NRG3: variants seen among roughly 807,000 people sequenced by gnomAD.
The protein encoded by NRG3 is neuregulin 3.
In NRG3, 31 loss-of-function variants were observed where a neutral mutation model predicts 66.9. The ratio of observed to expected loss-of-function variants is 0.46; its 90% CI spans 0.35 to 0.63. The LOEUF is 0.63. NRG3 is among the 20% of genes least tolerant of loss of function. The pLI, the probability that NRG3 is intolerant of heterozygous loss-of-function variation, is 0.00. For missense variants in NRG3, 910 were observed against 878.9 expected, an observed-to-expected ratio of 1.04 and a Z score of -0.45; for synonymous variants, 393 against 359.4, an observed-to-expected ratio of 1.09 and a Z score of -1.06.
At chr10:82,050,071 G>T (rs1318619684) in intron 1 of NRG3, among the ~76,000 whole-genome samples, 3 of 151,974 alleles carry the variant, frequency 2.0e-5, no homozygotes, top group South Asian at 2.1e-4. Context: ...CTTCAGTTCT[G>T]AACAGATATG....
intron 2 of NRG3, among the ~76,000 whole-genome samples, chr10:82,582,841 A>G (rs560342639): frequency 6.6e-6 from 1 of 152,286 alleles, no homozygotes; most frequent in East Asian, 1.9e-4. Flanking sequence ...ATTTAATCCA[A>G]AGTGGAAAGA....
chr10:82,985,134 A>G lies in NRG3; in HGVS notation c.1620A>G (p.Thr540=). The G allele has an allele frequency of 1.2e-6, 2 of 1,614,010 alleles. No individual in the cohort carries two copies. The highest frequency in any genetic ancestry group is 1.1e-5 in the South Asian group (1 of 91,060). Residue 540 remains threonine, a synonymous_variant, in exon 9 of 9, where the codon ACA becomes ACG. Transcript: ENST00000372141. ...GTGGTTTAAAAACCCAACGAAATACATCAATAAATATGCAACTGCCTTCAA... is the reference window on the plus strand; with the variant it reads ...GTGGTTTAAAAACCCAACGAAATACGTCAATAAATATGCAACTGCCTTCAA... ...SSSGLKTQRN[T]SINMQLPSRE...
intron 1 of NRG3, among the ~76,000 whole-genome samples, chr10:82,057,806 T>G (rs2063923140): frequency 6.6e-6 from 1 of 152,164 alleles, no homozygotes. Flanking sequence ...TATCAGGGAT[T>G]CAAGATACTC....
At chr10:82,331,765 T>C (rs1184831373) in intron 1 of NRG3, among the ~76,000 whole-genome samples, 1 of 152,212 alleles carries the variant, frequency 6.6e-6, no homozygotes, top group African/African-American at 2.4e-5. Flanking sequence ...TGGTTTTACA[T>C]CAAGGGGAAG....
chr10:81,927,397 C>A (rs181043760), intron 1 of NRG3, among the ~76,000 whole-genome samples: 2 of 152,084 alleles, frequency 1.3e-5, no homozygotes, highest in Admixed American at 1.3e-4. Context: ...ATTACAACAC[C>A]TTTGCTAAAA....
At chr10:82,680,830 A>G (rs1338161983) in intron 2 of NRG3, among the ~76,000 whole-genome samples, 1 of 152,254 alleles carries the variant, frequency 6.6e-6, no homozygotes, top group Admixed American at 6.5e-5. Context: ...AATGATGCAG[A>G]TAATTATAAG....
At chr10:82,474,437 A>G (rs1162873648) in intron 2 of NRG3, among the ~76,000 whole-genome samples, 11 of 152,226 alleles carry the variant, frequency 7.2e-5, no homozygotes. Context: ...AAAAGAAGTA[A>G]ACAAATTATG....
chr10:82,800,908 A>G (rs968837601), intron 3 of NRG3, among the ~76,000 whole-genome samples: 1 of 152,182 alleles, frequency 6.6e-6, no homozygotes, highest in Non-Finnish European at 1.5e-5. Context: ...TGAGCTGGAA[A>G]GGCTGTTAAC....
intron 1 of NRG3, among the ~76,000 whole-genome samples, chr10:82,019,153 T>G (rs2132721873): frequency 1.3e-5 from 2 of 152,332 alleles, no homozygotes; most frequent in South Asian, 4.1e-4. Flanking sequence ...GAAGGGCTGT[T>G]GAATTTTGTC....
chr10:82,447,765 AAG>A (rs1485055456), intron 2 of NRG3, among the ~76,000 whole-genome samples: 1 of 152,246 alleles, frequency 6.6e-6, no homozygotes, highest in Non-Finnish European at 1.5e-5. Context: ...TGTATGTCGG[AAG>A]AGCTTGAGGC....
At chr10:82,638,831 G>C (rs767422345) in intron 2 of NRG3, among the ~76,000 whole-genome samples, 7 of 152,022 alleles carry the variant, frequency 4.6e-5, no homozygotes, top group Non-Finnish European at 1.0e-4. Flanking sequence ...ATTTTTAGTA[G>C]CGACAGGGTT....
At chr10:82,455,667 T>G (rs1348411054) in intron 2 of NRG3, among the ~76,000 whole-genome samples, 7 of 150,568 alleles carry the variant, frequency 4.6e-5, no homozygotes, top group Admixed American at 4.0e-4. Context: ...CAGGCTGGAG[T>G]GCAGTGGCGC....
At chr10:82,692,444 G>T (rs1196452446) in intron 2 of NRG3, among the ~76,000 whole-genome samples, 1 of 152,136 alleles carries the variant, frequency 6.6e-6, no homozygotes, top group East Asian at 1.9e-4. Flanking sequence ...GCTAATCTGG[G>T]TTCTTGTCTC....
intron 4 of NRG3, among the ~76,000 whole-genome samples, chr10:82,902,403 A>G (rs1220775806): frequency 1.3e-5 from 2 of 152,154 alleles, no homozygotes; most frequent in Non-Finnish European, 2.9e-5. Flanking sequence ...GGCATATTTA[A>G]CATTCTATAT....
intron 1 of NRG3, among the ~76,000 whole-genome samples, chr10:82,345,639 A>G (rs61864208): frequency 6.6e-5 from 10 of 151,432 alleles, no homozygotes; most frequent in African/African-American, 2.4e-4. Context: ...CATTGAATCT[A>G]TAAATTACCT....
chr10:82,627,871 A>G (rs920984225), intron 2 of NRG3, among the ~76,000 whole-genome samples: 1 of 152,220 alleles, frequency 6.6e-6, no homozygotes, highest in Non-Finnish European at 1.5e-5. Flanking sequence ...CATATGGCAA[A>G]ACAAGAACAC....
intron 1 of NRG3, among the ~76,000 whole-genome samples, chr10:82,130,740 G>C (rs2068763584): frequency 2.0e-5 from 3 of 152,064 alleles, no homozygotes; most frequent in Admixed American, 1.3e-4. Context: ...ATTTTGACTG[G>C]GGTGAGATGA....
intron 2 of NRG3, among the ~76,000 whole-genome samples, chr10:82,579,828 T>A (rs777559436): frequency 6.6e-6 from 1 of 151,910 alleles, no homozygotes; most frequent in South Asian, 2.1e-4. Flanking sequence ...AAAGTAATCA[T>A]TGGGAAAAAA....
chr10:82,650,579 G>A (rs1035509207), intron 2 of NRG3, among the ~76,000 whole-genome samples: 2 of 152,214 alleles, frequency 1.3e-5, no homozygotes, highest in African/African-American at 4.8e-5. Context: ...ACAGACACTA[G>A]AACTAAAATT....
Sources: allele counts gnomAD v4.1 joint callset (sites outside exome capture counted in the v4.1 genomes callset), GRCh38; gene constraint gnomAD v4.1.1; transcripts MANE v1.5; gene names NCBI Gene and HGNC (gene_info 2026-07-23, HGNC 2026-07-21).